Variants in KCNC2 observed in about 807,000 individuals in gnomAD.
KCNC2 encodes potassium voltage-gated channel subfamily C member 2.
Under a neutral mutation model 44.5 loss-of-function variants are expected in KCNC2, and 21 were observed. That is an observed-to-expected ratio of 0.47 (90% confidence interval 0.33 to 0.68). The LOEUF is 0.68. Among genes scored for constraint, KCNC2 ranks in the 30% least tolerant of loss-of-function variants. KCNC2 has a pLI of 0.01. For missense variants in KCNC2, 589 were observed against 826.2 expected (o/e 0.71, Z 3.52); for synonymous variants, 391 against 339.1 (o/e 1.15, Z -1.68).
intron 2 of KCNC2, among the ~76,000 whole-genome samples, chr12:75,187,064 C>T (rs769109555): frequency 3.3e-5 from 5 of 152,088 alleles, no homozygotes; most frequent in Non-Finnish European, 7.4e-5. Context: ...AAAAAAGATG[C>T]CCTAAGAACA....
intron 2 of KCNC2, among the ~76,000 whole-genome samples, chr12:75,089,945 G>A (rs1885333180): frequency 6.6e-6 from 1 of 151,756 alleles, no homozygotes; most frequent in Non-Finnish European, 1.5e-5. Flanking sequence ...GGACAGCCTT[G>A]AACTATGCTT....
chr12:75,196,015 C>T (rs1486426804), intron 2 of KCNC2, among the ~76,000 whole-genome samples: 1 of 152,136 alleles, frequency 6.6e-6, no homozygotes, highest in Non-Finnish European at 1.5e-5. Context: ...GCTCTTCCCA[C>T]TGTCTGAAAA....
chr12:75,203,048 C>A (rs958629315), intron 2 of KCNC2, among the ~76,000 whole-genome samples: 1 of 151,586 alleles, frequency 6.6e-6, no homozygotes, highest in Non-Finnish European at 1.5e-5. Context: ...TAATTGACAA[C>A]AATATTTTAT....
At chr12:75,118,888 C>T (rs780101410) in intron 2 of KCNC2, among the ~76,000 whole-genome samples, 6 of 152,152 alleles carry the variant, frequency 3.9e-5, no homozygotes, top group Non-Finnish European at 8.8e-5. Context: ...TTAAATCTGA[C>T]ATCCCTGAAT....
chr12:75,182,173 G>T (rs1396276276), intron 2 of KCNC2, among the ~76,000 whole-genome samples: 2 of 151,654 alleles, frequency 1.3e-5, no homozygotes, highest in African/African-American at 4.8e-5. Flanking sequence ...AACTGCCTCT[G>T]CATGAATGCT....
chr12:75,138,841 C>T (rs1889417194), intron 2 of KCNC2, among the ~76,000 whole-genome samples: 1 of 151,736 alleles, frequency 6.6e-6, no homozygotes. Context: ...ATTAGCTGGG[C>T]GTGGTGGCGG....
chr12:75,045,885 A>G (rs1402743894), intron 4 of KCNC2, among the ~76,000 whole-genome samples: 2 of 151,904 alleles, frequency 1.3e-5, no homozygotes, highest in African/African-American at 4.8e-5. Context: ...TCACTTACAG[A>G]GAGAATTTTT....
chr12:75,083,215 T>C (rs1884669023), intron 2 of KCNC2, among the ~76,000 whole-genome samples: 1 of 151,692 alleles, frequency 6.6e-6, no homozygotes, highest in African/African-American at 2.4e-5. Context: ...ATAACATTAC[T>C]ACTGCTGTTT....
intron 2 of KCNC2, among the ~76,000 whole-genome samples, chr12:75,185,622 A>T (rs1892886845): frequency 6.6e-6 from 1 of 152,050 alleles, no homozygotes; most frequent in Non-Finnish European, 1.5e-5. Context: ...ATCCAAAAAA[A>T]TTTTGTTCTC....
intron 4 of KCNC2, among the ~76,000 whole-genome samples, chr12:75,046,369 T>G (rs1031564748): frequency 6.6e-6 from 1 of 151,790 alleles, no homozygotes; most frequent in Non-Finnish European, 1.5e-5. Context: ...TTTGCAAAGC[T>G]TTTTCTCATT....
At chr12:75,092,129 C>A (rs886736742) in intron 2 of KCNC2, among the ~76,000 whole-genome samples, 1 of 151,588 alleles carries the variant, frequency 6.6e-6, no homozygotes, top group South Asian at 2.1e-4. Context: ...GGTTGTGAAA[C>A]CTCATCTGCA....
At chr12:75,170,909 A>G (rs1891772773) in intron 2 of KCNC2, among the ~76,000 whole-genome samples, 1 of 151,710 alleles carries the variant, frequency 6.6e-6, no homozygotes, top group African/African-American at 2.4e-5. Context: ...GGGCGGGTGT[A>G]CTCTTCCAAG....
In KCNC2 at chr12:75,166,452, A is replaced by G. The variant is rs563923947; in HGVS notation, c.687+40845T>C. Among the ~76,000 whole-genome samples the G allele has an allele frequency of 2.2e-4, 33 of 151,168 alleles. No individual in the cohort carries two copies. The South Asian group carries it at 6.6e-3, about 30-fold the overall frequency. On this transcript the variant is annotated intron_variant, in intron 2 of 4. Transcript: ENST00000549446. ...AGAAAACTCGAATGATCTAAAAAAA[A>G]AAAAAGTTAGACCTAACAGATGTCT...
intron 2 of KCNC2, among the ~76,000 whole-genome samples, chr12:75,183,876 G>A (rs1012569091): frequency 6.6e-6 from 1 of 152,156 alleles, no homozygotes; most frequent in South Asian, 2.1e-4. Context: ...ATCTGCCTTT[G>A]CCAACTTGCC....
chr12:75,095,181 C>T (rs555456895), intron 2 of KCNC2, among the ~76,000 whole-genome samples: 2 of 151,752 alleles, frequency 1.3e-5, no homozygotes, highest in African/African-American at 2.4e-5. Flanking sequence ...ATTATTAGTA[C>T]ATAAAATTAC....
chr12:75,075,152 T>C (rs930526906), intron 2 of KCNC2, among the ~76,000 whole-genome samples: 12 of 152,104 alleles, frequency 7.9e-5, no homozygotes, highest in African/African-American at 2.7e-4. Context: ...ATATTGGAAG[T>C]CTGTGCAAGA....
intron 4 of KCNC2, chr12:75,043,829 T>C: frequency 2.2e-6 from 3 of 1,343,824 alleles, no homozygotes; most frequent in South Asian, 1.5e-5. Flanking sequence ...GTAAGAAAAG[T>C]AAAGGAAAAA....
rs1321195816 is a variant in KCNC2 at position 75,207,810 on chromosome 12, C to G, written c.174G>C (p.Pro58=). 1 of 1,601,094 alleles carries G rather than the reference C, an allele frequency of 6.2e-7. No homozygotes were observed. The highest frequency in any genetic ancestry group is 1.1e-5 in the South Asian group (1 of 90,312). The stretch of plus-strand genomic sequence containing the variant: ...CTCTCGGCGGCGGCGACAGTGGAGG[C>G]GGCGACGGCTGCAGCTTGTCGCCCG... The part of the protein sequence containing the change: ...TTAGDKLQPS[P]PPLSPPPRAP... The change falls in exon 2 of 5, where the codon CCG becomes CCC. Residue 58 remains proline, a synonymous_variant. Transcript: ENST00000549446. The surrounding 1 kb of genome is among the most constrained non-coding windows in gnomAD (Gnocchi z 4.1).
intron 2 of KCNC2, among the ~76,000 whole-genome samples, chr12:75,203,138 A>T (rs1312343503): frequency 6.6e-6 from 1 of 151,764 alleles, no homozygotes; most frequent in East Asian, 1.9e-4. Context: ...TTCTTCCTTT[A>T]ATCTTAATAT....
Sources: gnomAD v4.1 joint callset for allele counts (sites outside exome capture counted in the v4.1 genomes callset) on GRCh38, gnomAD v4.1.1 for gene constraint, Gnocchi (gnomAD v3.1) non-coding constraint, MANE v1.5 for transcripts, NCBI Gene and HGNC (gene_info 2026-07-23, HGNC 2026-07-21) for gene names.